TAPT1: variants seen among roughly 807,000 people sequenced by gnomAD.
TAPT1 encodes transmembrane anterior posterior transformation 1.
In TAPT1, 28 loss-of-function variants were observed where a neutral mutation model predicts 65.6. The ratio of observed to expected loss-of-function variants is 0.43; its 90% CI spans 0.32 to 0.59. The LOEUF (loss-of-function observed/expected upper bound fraction) is 0.59. TAPT1 is among the 20% of genes least tolerant of loss of function. TAPT1 has a pLI of 0.09. For synonymous variants in TAPT1, 278 were observed against 245.2 expected (o/e 1.13, Z -1.25); for missense variants, 563 against 679.9 (o/e 0.83, Z 1.91).
intron 2 of TAPT1, among the ~76,000 whole-genome samples, chr4:16,207,489 C>T (rs1333632234): frequency 6.6e-6 from 1 of 152,228 alleles, no homozygotes; most frequent in Non-Finnish European, 1.5e-5. Context: ...AGTTACTCCA[C>T]TAGACATTTA....
At chr4:16,188,456 T>A (rs1749153954) in intron 4 of TAPT1, 101 bp from the exon 5 acceptor site, 1 of 954,152 alleles carries the variant, frequency 1.0e-6, no homozygotes, top group Non-Finnish European at 1.5e-6. Context: ...GTGTTTTAAA[T>A]CCTAGTAGAA....
chr4:16,196,666 G>A (rs1749723706), intron 3 of TAPT1: 1 of 1,287,214 alleles, frequency 7.8e-7, no homozygotes, highest in African/African-American at 1.5e-5. Context: ...ACCACAAGGA[G>A]TCCCTGTGCC....
intron 3 of TAPT1, among the ~76,000 whole-genome samples, chr4:16,197,982 T>G (rs374045251): frequency 6.6e-6 from 1 of 151,988 alleles, no homozygotes. Flanking sequence ...AGGGAGGGAG[T>G]GCATCCTTGG....
chr4:16,213,349 T>C (rs1750750872), intron 2 of TAPT1, among the ~76,000 whole-genome samples: 1 of 151,782 alleles, frequency 6.6e-6, no homozygotes. Flanking sequence ...CTGTCCTGTA[T>C]GTTTATAAAC....
intron 1 of TAPT1, chr4:16,226,043 G>A (rs947439826): frequency 2.2e-5 from 22 of 1,009,270 alleles, no homozygotes; most frequent in Non-Finnish European, 2.6e-5. Context: ...CGCGGCCGCG[G>A]GGGCCTCGGG....
At chr4:16,227,305 T>C (rs1280501394), upstream of TAPT1, 1 of 455,964 alleles carries the variant, frequency 2.2e-6, no homozygotes, top group Non-Finnish European at 4.4e-6. Flanking sequence ...CACTGTGTCC[T>C]TACTTTGTCG....
In TAPT1 at chr4:16,176,236, T is replaced by C. The variant is rs773039535; in HGVS notation, c.998-8A>G. The C allele has an allele frequency of 2.2e-5, 32 of 1,459,306 alleles. No individual in the cohort carries two copies. Among genetic ancestry groups the C allele is most frequent in the East Asian group, 4.8e-5 (2 of 41,538 alleles). The allele number at this position is 1,459,306 out of a possible 1,614,324, so 90.4% of individuals were successfully genotyped here. A position where few individuals can be genotyped will look rare whatever the true frequency, so the allele number is the denominator to read the frequency against. On this transcript the variant is annotated splice_polypyrimidine_tract_variant and splice_region_variant and intron_variant, in intron 8 of 13. Coordinates refer to ENST00000405303, the MANE Select transcript of TAPT1 (RefSeq NM_153365.3). ...ACAACACCCAGAGATGATCTGTAAA[T>C]AGAAAAAAGAAAAACAACGAAATAT...
At chr4:16,215,797 T>C (rs1220503692) in intron 1 of TAPT1, among the ~76,000 whole-genome samples, 4 of 152,234 alleles carry the variant, frequency 2.6e-5, no homozygotes, top group Non-Finnish European at 4.4e-5. Flanking sequence ...AACTTCTGGT[T>C]AGGAACTTTC....
At chr4:16,192,806 AC>A (rs757538918) in intron 3 of TAPT1, among the ~76,000 whole-genome samples, 4 of 152,082 alleles carry the variant, frequency 2.6e-5, no homozygotes, top group Non-Finnish European at 4.4e-5. Context: ...CTTCATTTCC[AC>A]CAATTGTGAC....
intron 8 of TAPT1, among the ~76,000 whole-genome samples, chr4:16,177,314 A>G (rs1204246242): frequency 6.6e-6 from 1 of 152,242 alleles, no homozygotes. Flanking sequence ...CAGGTACCTG[A>G]TGAAACACAC....
intron 5 of TAPT1, 126 bp downstream of exon 5, chr4:16,188,094 T>C: frequency 1.3e-6 from 1 of 789,824 alleles, no homozygotes; most frequent in Non-Finnish European, 1.9e-6. Flanking sequence ...ACACAAATAT[T>C]TCACATTAAT....
rs1295610192 is a variant in TAPT1 at position 16,186,515 on chromosome 4, T to A, written c.916+20A>T. 1 of 1,471,676 alleles carries A rather than the reference T, an allele frequency of 6.8e-7. No individual in the cohort carries two copies. Among genetic ancestry groups the A allele is most frequent in the African/African-American group, 1.4e-5 (1 of 71,058 alleles). 91.2% of individuals were successfully genotyped at this position (1,471,676 alleles called of 1,614,324 possible). On this transcript the variant is annotated intron_variant, in intron 7 of 13. Transcript: ENST00000405303. ...AAATAATACTGCACAGAACTTCAAGTAGAATCTAATTGTACATACCGCTAT... is the reference window on the plus strand; with the variant it reads ...AAATAATACTGCACAGAACTTCAAGAAGAATCTAATTGTACATACCGCTAT...
chr4:16,170,233 G>A (rs1477074498), intron 12 of TAPT1, among the ~76,000 whole-genome samples: 1 of 152,236 alleles, frequency 6.6e-6, no homozygotes, highest in Non-Finnish European at 1.5e-5. Flanking sequence ...GTCACAGACA[G>A]AAAACCTAAG....
At chr4:16,203,017 T>G (rs2149704415) in intron 2 of TAPT1, among the ~76,000 whole-genome samples, 1 of 152,366 alleles carries the variant, frequency 6.6e-6, no homozygotes, top group South Asian at 2.1e-4. Context: ...CACAATTTCA[T>G]GTGCACTGAA....
chr4:16,187,010 ATAATTTC>A, intron 5 of TAPT1, 132 bp from the exon 6 acceptor site: 1 of 605,072 alleles, frequency 1.7e-6, no homozygotes. Context: ...TATTATCTTC[ATAATTTC>A]CCTATTAGCT....
chr4:16,199,792 T>A (rs1470066735), intron 3 of TAPT1, among the ~76,000 whole-genome samples: 3 of 152,100 alleles, frequency 2.0e-5, no homozygotes, highest in African/African-American at 7.2e-5. Flanking sequence ...GGTCTCGCTA[T>A]GTTGCCCAGG....
chr4:16,163,255 C>G lies in TAPT1; in HGVS notation c.*53G>C, dbSNP rs1747369254. On this transcript the variant is annotated 3_prime_UTR_variant, in exon 14 of 14. Coordinates refer to ENST00000405303, the MANE Select transcript of TAPT1 (RefSeq NM_153365.3). ...GTTTAGCATCTATTTGTCCTGGCAA[C>G]ACAGCACTTGTTGCCCCAGGACCCA... 2.3e-6 allele frequency: 3 copies of G among 1,309,364 alleles called. No homozygotes were observed. The Admixed American group carries it at 5.1e-5, about 22-fold the overall frequency. 81.1% of individuals were successfully genotyped at this position (1,309,364 alleles called of 1,614,324 possible).
chr4:16,174,082 A>C lies in TAPT1; in HGVS notation c.1236+122T>G, dbSNP rs1680491643. The stretch of plus-strand genomic sequence containing the variant: ...TAATTTAAAACAAAATTTTCTTCCA[A>C]GTTATTTACCCTTAATTTTTATATC... On this transcript the variant is annotated intron_variant, in intron 11 of 13. Coordinates refer to ENST00000405303, the MANE Select transcript of TAPT1 (RefSeq NM_153365.3). 16 of 834,348 alleles carry C rather than the reference A, an allele frequency of 1.9e-5. No individual in the cohort carries two copies. In the South Asian group the frequency reaches 3.4e-4, roughly 18 times the overall value. The allele number at this position is 834,348 out of a possible 1,614,324, so 51.7% of individuals were successfully genotyped here. A position where few individuals can be genotyped will look rare whatever the true frequency, so the allele number is the denominator to read the frequency against.
In TAPT1 at chr4:16,202,502, C is replaced by G. The variant is rs1416012632; in HGVS notation, c.409G>C (p.Ala137Pro). ...GGCAAAGTGAGGAGCCTGAATAGTG[C>G]CAGGAAAACTCTTAAAGGAAGCAGG... ...FTLLPLRVFLALFRLLTLPCY... is the reference protein window; with the variant it reads ...FTLLPLRVFLPLFRLLTLPCY... Residue 137 changes from alanine to proline, a missense_variant, in exon 3 of 14, where the codon GCA (alanine) becomes CCA (proline). Ala to Pro is a conservative substitution (Grantham distance 27, BLOSUM62 -1). Coordinates refer to ENST00000405303, the MANE Select transcript of TAPT1 (RefSeq NM_153365.3). The G allele has an allele frequency of 7.7e-6, 12 of 1,552,090 alleles. No individual in the cohort carries two copies. Among genetic ancestry groups the G allele is most frequent in the Non-Finnish European group, 9.6e-6 (11 of 1,147,444 alleles).
Sources: allele counts gnomAD v4.1 joint callset (sites outside exome capture counted in the v4.1 genomes callset), GRCh38; gene constraint gnomAD v4.1.1; transcripts MANE v1.5; gene names NCBI Gene and HGNC (gene_info 2026-07-23, HGNC 2026-07-21).